The following CNBD2 variants were observed in gnomAD, a reference collection of about 807,000 sequenced individuals.
The protein encoded by CNBD2 is cyclic nucleotide binding domain containing 2, also known as cyclic nucleotide-binding domain-containing protein 2.
CNBD2 carries 64 observed loss-of-function variants against 63.7 expected under a neutral mutation model. The ratio of observed to expected loss-of-function variants is 1.00; its 90% confidence interval spans 0.82 to 1.24. The LOEUF is 1.24. CNBD2 is among the 50% of genes most tolerant of loss of function. The pLI, the probability that CNBD2 is intolerant of heterozygous loss-of-function variation, is 0.00. For missense variants in CNBD2, 691 were observed against 713.5 expected (o/e 0.97, Z 0.36); for synonymous variants, 229 against 255.4 (o/e 0.90, Z 0.99).
At chr20:36,008,534 C>G in intron 9 of CNBD2, 60 bp downstream of exon 9, 3 of 1,485,178 alleles carry the variant, frequency 2.0e-6, no homozygotes, top group Non-Finnish European at 2.7e-6. Flanking sequence ...GGAGATAATA[C>G]TTATATGGCA....
intron 11 of CNBD2, among the ~76,000 whole-genome samples, chr20:36,027,616 C>T (rs1375570049): frequency 6.6e-6 from 1 of 150,780 alleles, no homozygotes; most frequent in African/African-American, 2.4e-5. Flanking sequence ...TTGCTTAAGA[C>T]AAAGTTAAAG....
chr20:35,955,441 G>T (rs1032054610), downstream of CNBD2: 1 of 152,188 alleles, frequency 6.6e-6, no homozygotes, highest in African/African-American at 2.4e-5. Flanking sequence ...TTATATTTCT[G>T]TTGAGCAGCC....
rs1046661526 is a variant in CNBD2 at position 35,998,040 on chromosome 20, C to CTTT, written c.970+2905_970+2907dup. On this transcript the variant is annotated intron_variant, in intron 8 of 11. Transcript: ENST00000373973. ...TGTTACTGATTTCTTTTTTCTTTTT[C>CTTT]TTTTTTTTTTTTTTTTTTTGAGAGG... is the stretch of plus-strand genomic sequence containing the variant. Among the ~76,000 whole-genome samples the CTTT allele has an allele frequency of 5.4e-3, 687 of 127,120 alleles. 5 individuals carry two copies. The highest frequency in any genetic ancestry group is 7.8e-3 in the African/African-American group (254 of 32,724). 83.4% of individuals were successfully genotyped at this position (127,120 alleles called of 152,430 possible).
At chr20:35,989,756 T>G (rs1212759797) in intron 7 of CNBD2, among the ~76,000 whole-genome samples, 1 of 151,838 alleles carries the variant, frequency 6.6e-6, no homozygotes. Context: ...CCCATAGTCT[T>G]AACGACTCAG....
chr20:35,965,005 A>G (rs2056334787), upstream of CNBD2, among the ~76,000 whole-genome samples: 1 of 152,024 alleles, frequency 6.6e-6, no homozygotes, highest in African/African-American at 2.4e-5. Flanking sequence ...CCGGCCTCAT[A>G]TATCTTTCAT....
intron 2 of CNBD2, among the ~76,000 whole-genome samples, chr20:35,975,113 T>C (rs1382562772): frequency 1.0e-4 from 14 of 139,082 alleles, no homozygotes; most frequent in Non-Finnish European, 1.9e-4. Context: ...GCCATTCTCC[T>C]GCCTCAGCCT....
At chr20:36,030,043 C>T (rs925791602) in intron 11 of CNBD2, among the ~76,000 whole-genome samples, 1 of 152,186 alleles carries the variant, frequency 6.6e-6, no homozygotes, top group South Asian at 2.1e-4. Context: ...GATTAAGGAG[C>T]TATTTTACTT....
At chr20:36,001,921 C>T (rs2056915382) in intron 8 of CNBD2, among the ~76,000 whole-genome samples, 1 of 151,482 alleles carries the variant, frequency 6.6e-6, no homozygotes, top group African/African-American at 2.4e-5. Flanking sequence ...GACTGGGCAG[C>T]CAGGCAGAGG....
chr20:35,999,890 G>A (rs1471928408), intron 8 of CNBD2, among the ~76,000 whole-genome samples: 1 of 151,990 alleles, frequency 6.6e-6, no homozygotes, highest in Admixed American at 6.6e-5. Context: ...TGTTGGCCAG[G>A]CTGGTCTTGA....
intron 8 of CNBD2, among the ~76,000 whole-genome samples, chr20:36,002,169 C>T (rs1192883872): frequency 2.0e-5 from 3 of 152,212 alleles, no homozygotes; most frequent in Admixed American, 6.5e-5. Context: ...CCAAGGCTGG[C>T]GGATCACTCG....
In CNBD2 at chr20:35,980,524, G is replaced by T; in HGVS notation, c.309G>T (p.Glu103Asp). Reference sequence around the variant, plus strand: ...AGCCTTCCTGGAGAACAGAGGATGAGATCCAGGCCGTCTGTAACATCTTGC... The same window carrying T: ...AGCCTTCCTGGAGAACAGAGGATGATATCCAGGCCGTCTGTAACATCTTGC... Reference protein sequence around the residue: ...QKKPSWRTEDEIQAVCNILQV... With the variant: ...QKKPSWRTEDDIQAVCNILQV... Residue 103 changes from glutamate (E) to aspartate (D), a missense_variant, in exon 4 of 12, where the codon GAG becomes GAT. Transcript: ENST00000373973. 18 of 1,614,202 alleles carry T rather than the reference G, an allele frequency of 1.1e-5. No homozygotes were observed. Among genetic ancestry groups the T allele is most frequent in the Non-Finnish European group, 1.4e-5 (16 of 1,180,006 alleles).
chr20:35,980,208 GT>G (rs545379763), intron 3 of CNBD2, among the ~76,000 whole-genome samples: 150 of 152,282 alleles, frequency 9.9e-4, no homozygotes, highest in African/African-American at 3.6e-3. Flanking sequence ...GTTGATATGT[GT>G]CAGATCTCCT....
chr20:35,972,912 T>C, intron 2 of CNBD2, 146 bp downstream of exon 2: 2 of 708,816 alleles, frequency 2.8e-6, no homozygotes, highest in Non-Finnish European at 2.3e-6. Context: ...TTAATGGCCA[T>C]ACTTCTGTTG....
chr20:36,008,163 C>CT (rs922508084), intron 8 of CNBD2, 134 bp from the exon 9 acceptor site: 3,249 of 658,686 alleles, frequency 4.9e-3, no homozygotes, highest in Middle Eastern at 0.012. Flanking sequence ...TTTTATCTTT[C>CT]TTTTTTTTTT....
At chr20:36,018,212 C>T (rs2057160964) in intron 10 of CNBD2, among the ~76,000 whole-genome samples, 1 of 151,992 alleles carries the variant, frequency 6.6e-6, no homozygotes, top group South Asian at 2.1e-4. Flanking sequence ...GATGGAGGCA[C>T]GAGGATGGAA....
intron 8 of CNBD2, among the ~76,000 whole-genome samples, 173 bp downstream of exon 8, chr20:35,995,325 CT>C (rs141687376): frequency 7.4e-5 from 11 of 148,308 alleles, no homozygotes; most frequent in South Asian, 2.1e-4. Flanking sequence ...CCTTTCCAGC[CT>C]TTTTTTTTTA....
chr20:36,008,253 A>G (rs775007297), intron 8 of CNBD2, 44 bp from the exon 9 acceptor site: 1 of 1,510,346 alleles, frequency 6.6e-7, no homozygotes, highest in African/African-American at 1.4e-5. Context: ...ACCATCATAT[A>G]TGCAAAGATC....
downstream of CNBD2, chr20:35,958,736 G>A (rs6058378): frequency 0.26 from 39,526 of 152,046 alleles, 6,163 homozygotes; most frequent in African/African-American, 0.44. Context: ...GATCACCACA[G>A]AGATCCCTCG....
intron 10 of CNBD2, among the ~76,000 whole-genome samples, chr20:36,019,331 C>T (rs1400106721): frequency 6.6e-6 from 1 of 151,806 alleles, no homozygotes; most frequent in Non-Finnish European, 1.5e-5. Flanking sequence ...TCGAGACCAG[C>T]CTGGGCAACA....
Sources: gnomAD v4.1 joint callset for allele counts (sites outside exome capture counted in the v4.1 genomes callset) on GRCh38, gnomAD v4.1.1 for gene constraint, MANE v1.5 for transcripts, NCBI Gene and HGNC (gene_info 2026-07-23, HGNC 2026-07-21) for gene names.